Variants in FAM241A observed in about 807,000 individuals in gnomAD.
The protein encoded by FAM241A is family with sequence similarity 241 member A.
FAM241A carries 7 observed loss-of-function variants against 12.2 expected under a neutral mutation model. That is an observed-to-expected ratio of 0.58 (90% CI 0.33 to 1.08). The LOEUF is 1.08. FAM241A is among the 50% of genes least tolerant of loss of function. FAM241A has a pLI of 0.04. For synonymous variants in FAM241A, 74 were observed against 68.2 expected, an observed-to-expected ratio of 1.08 and a Z score of -0.42; for missense variants, 161 against 169.7, an observed-to-expected ratio of 0.95 and a Z score of 0.29.
chr4:112,192,653 A>C lies in FAM241A; in HGVS notation c.*5715A>C, dbSNP rs1209028062. ...AGAATGATGATTTCCAATTTCATCC[A>C]TGTCCCTACAAAGGACATGAACTCA... On this transcript the variant is annotated 3_prime_UTR_variant, in exon 2 of 2. Coordinates refer to ENST00000309733, the MANE Select transcript of FAM241A (RefSeq NM_152400.3). 4 of 151,380 alleles carry C rather than the reference A, an allele frequency of 2.6e-5. No individual in the cohort carries two copies. Among genetic ancestry groups the C allele is most frequent in the Non-Finnish European group, 5.9e-5 (4 of 67,926 alleles). 9.4% of individuals were successfully genotyped at this position (151,380 alleles called of 1,614,324 possible).
intron 1 of FAM241A, among the ~76,000 whole-genome samples, chr4:112,154,634 A>G (rs1202047001): frequency 6.6e-6 from 1 of 152,212 alleles, no homozygotes; most frequent in Non-Finnish European, 1.5e-5. Flanking sequence ...CTGCATATGC[A>G]AGGTACTAAG....
chr4:112,178,774 AACTT>A (rs1293396734), intron 1 of FAM241A, among the ~76,000 whole-genome samples: 1 of 152,180 alleles, frequency 6.6e-6, no homozygotes, highest in East Asian at 1.9e-4. Context: ...ATATGTAAGA[AACTT>A]AAATCAACAA....
intron 1 of FAM241A, among the ~76,000 whole-genome samples, chr4:112,180,485 G>C (rs1723911993): frequency 6.6e-6 from 1 of 152,250 alleles, no homozygotes; most frequent in Non-Finnish European, 1.5e-5. Context: ...GTTAACAACA[G>C]TTAAATGTAG....
intron 1 of FAM241A, among the ~76,000 whole-genome samples, chr4:112,170,449 TA>T (rs1171218905): frequency 6.6e-6 from 1 of 152,208 alleles, no homozygotes; most frequent in African/African-American, 2.4e-5. Flanking sequence ...TATACTGTAA[TA>T]AAAGTTGTAT....
chr4:112,173,192 C>A (rs1257629933), intron 1 of FAM241A, among the ~76,000 whole-genome samples: 1 of 152,014 alleles, frequency 6.6e-6, no homozygotes, highest in Non-Finnish European at 1.5e-5. Context: ...CCCAGCCCTG[C>A]CAGAGATTTA....
chr4:112,186,626 G>A, intron 1 of FAM241A, 67 bp from the exon 2 acceptor site: 1 of 1,452,330 alleles, frequency 6.9e-7, no homozygotes, highest in Non-Finnish European at 9.3e-7. Flanking sequence ...AAGAACTAAG[G>A]TTCTTAAAGA....
chr4:112,174,230 G>A (rs753527458), intron 1 of FAM241A, among the ~76,000 whole-genome samples: 2 of 152,186 alleles, frequency 1.3e-5, no homozygotes, highest in Non-Finnish European at 2.9e-5. Flanking sequence ...CTCACTGTAG[G>A]GCAGAGGTTC....
chr4:112,145,829 C>A, intron 1 of FAM241A, 96 bp downstream of exon 1: 1 of 759,158 alleles, frequency 1.3e-6, no homozygotes. Context: ...CGGGCCGCGC[C>A]GCAGCTCTGC....
In FAM241A at chr4:112,173,397, A is replaced by G. The variant is rs117235076; in HGVS notation, c.154-13296A>G. ...TAATGTATTGAAAGCAACTAAGGAA[A>G]AAACAGGACTGACTATTCTGAGATT... On this transcript the variant is annotated intron_variant, in intron 1 of 1. Transcript: ENST00000309733. 1.0e-3 allele frequency among the ~76,000 whole-genome samples: 156 copies of G among 152,334 alleles called. 1 individual carries two copies. In the East Asian group the frequency reaches 0.028, roughly 27 times the overall value.
At chr4:112,148,430 A>G (rs1011257470) in intron 1 of FAM241A, among the ~76,000 whole-genome samples, 1 of 152,164 alleles carries the variant, frequency 6.6e-6, no homozygotes, top group Non-Finnish European at 1.5e-5. Flanking sequence ...ATTTTTAACA[A>G]TTTGTCTTTA....
chr4:112,167,871 T>G (rs1215405922), intron 1 of FAM241A, among the ~76,000 whole-genome samples: 1 of 152,212 alleles, frequency 6.6e-6, no homozygotes, highest in Non-Finnish European at 1.5e-5. Context: ...TGTGATTATC[T>G]GAGTTAGAGC....
intron 1 of FAM241A, among the ~76,000 whole-genome samples, chr4:112,163,873 A>G (rs1014828156): frequency 4.6e-5 from 7 of 152,230 alleles, no homozygotes; most frequent in African/African-American, 1.7e-4. Context: ...CCAAGTGTCC[A>G]TCAGTGATAG....
intron 1 of FAM241A, among the ~76,000 whole-genome samples, chr4:112,152,957 T>C (rs1211938848): frequency 6.6e-6 from 1 of 152,218 alleles, no homozygotes; most frequent in Non-Finnish European, 1.5e-5. Context: ...AATAAATATT[T>C]GCTCCTTATT....
intron 1 of FAM241A, among the ~76,000 whole-genome samples, chr4:112,170,125 C>G (rs1723686557): frequency 6.6e-6 from 1 of 152,134 alleles, no homozygotes; most frequent in Non-Finnish European, 1.5e-5. Flanking sequence ...CTTTTGGTTT[C>G]TCTATAACTA....
intron 1 of FAM241A, among the ~76,000 whole-genome samples, chr4:112,164,756 G>GA (rs745947274): frequency 7.2e-5 from 11 of 152,198 alleles, no homozygotes; most frequent in East Asian, 1.9e-4. Context: ...AACTCTATAG[G>GA]AAAAATGTCT....
At chr4:112,176,713 A>G (rs757776732) in intron 1 of FAM241A, among the ~76,000 whole-genome samples, 10 of 152,132 alleles carry the variant, frequency 6.6e-5, no homozygotes, top group Non-Finnish European at 1.5e-4. Context: ...ACACCCCTCT[A>G]TTTTTATGTA....
intron 1 of FAM241A, among the ~76,000 whole-genome samples, chr4:112,185,780 GA>G (rs1218066075): frequency 1.3e-5 from 2 of 152,270 alleles, no homozygotes; most frequent in Non-Finnish European, 2.9e-5. Context: ...ACAAGTGTTG[GA>G]AAACCCCCAA....
chr4:112,192,865 AATGGGATGGCTGGGTCAAATGG>A lies in FAM241A; in HGVS notation c.*5928_*5949del. ...ATAGTCCTTTGAGTATATACCCAGT[AATGGGATGGCTGGGTCAAATGG>A]TATTTCTAGTTCTAGATTCCTGAGG... On this transcript the variant is annotated 3_prime_UTR_variant, in exon 2 of 2. Transcript: ENST00000309733. 2.6e-5 allele frequency: 4 copies of A among 151,876 alleles called. No homozygotes were observed. The highest frequency in any genetic ancestry group is 9.7e-5 in the African/African-American group (4 of 41,252). 9.4% of individuals were successfully genotyped at this position (151,876 alleles called of 1,614,324 possible). A position where few individuals can be genotyped will look rare whatever the true frequency, so the allele number is the denominator to read the frequency against.
rs1724145833 is a variant in FAM241A, at chr4:112,190,526, A to G, written c.*3588A>G. On this transcript the variant is annotated 3_prime_UTR_variant, in exon 2 of 2. Transcript: ENST00000309733. The stretch of plus-strand genomic sequence containing the variant: ...CATGGAGAAACCCCGTCTCTACTAA[A>G]AAAAAAAAAAAAAAAATACAAAATT... The G allele has an allele frequency of 1.3e-5, 2 of 149,648 alleles. No individual in the cohort carries two copies. Among genetic ancestry groups the G allele is most frequent in the Admixed American group, 1.3e-4 (2 of 15,030 alleles). 9.3% of individuals were successfully genotyped at this position (149,648 alleles called of 1,614,324 possible).
Sources: allele counts gnomAD v4.1 joint callset (sites outside exome capture counted in the v4.1 genomes callset), GRCh38; gene constraint gnomAD v4.1.1; transcripts MANE v1.5; gene names NCBI Gene and HGNC (gene_info 2026-07-23, HGNC 2026-07-21).